The following SIM1 variants were observed in gnomAD, a reference collection of about 807,000 sequenced individuals.
SIM1 encodes the protein SIM bHLH transcription factor 1, also known as single-minded homolog 1.
Under a neutral mutation model 78.2 loss-of-function variants are expected in SIM1, and 18 were observed. That is an observed-to-expected ratio of 0.23 (90% confidence interval 0.16 to 0.34). SIM1 has a LOEUF of 0.34. Among genes scored for constraint, SIM1 ranks in the 10% least tolerant of loss-of-function variants. The pLI is 1.00. For synonymous variants in SIM1, 417 were observed against 385.2 expected, an observed-to-expected ratio of 1.08 and a Z score of -0.97; for missense variants, 939 against 975.1, an observed-to-expected ratio of 0.96 and a Z score of 0.49.
At chr6:100,412,729 AAGAAAGAAAG>A (rs1386882622) in intron 10 of SIM1, among the ~76,000 whole-genome samples, 1 of 141,126 alleles carries the variant, frequency 7.1e-6, no homozygotes, top group Non-Finnish European at 1.5e-5. Flanking sequence ...GAAAGAAAGA[AAGAAAGAAAG>A]AAAGAAAGAA....
intron 8 of SIM1, among the ~76,000 whole-genome samples, chr6:100,447,885 A>G (rs1038992560): frequency 1.7e-4 from 26 of 152,214 alleles, no homozygotes; most frequent in Admixed American, 4.6e-4. Context: ...CCAATAGGAG[A>G]GTAATATACC....
At chr6:100,437,163 A>G (rs1244685320) in intron 9 of SIM1, 6 of 152,172 alleles carry the variant, frequency 3.9e-5, no homozygotes, top group Admixed American at 3.9e-4. Flanking sequence ...CAACTTCTTA[A>G]CTAATATGCC....
At position 100,385,432 on chromosome 6, in the gene SIM1, T is replaced by C. The variant is rs1402797597; in HGVS notation, c.*4929A>G. On this transcript the variant is annotated 3_prime_UTR_variant, in exon 12 of 12. Coordinates refer to ENST00000369208, the MANE Select transcript of SIM1 (RefSeq NM_005068.3). The stretch of plus-strand genomic sequence containing the variant: ...AAAAGACTTACAGTACTTCCAAAAT[T>C]TTTTTCCAGGCCAATTTCATTTCTT... The C allele has an allele frequency of 6.6e-6, 1 of 152,020 alleles. No individual in the cohort carries two copies. The highest frequency in any genetic ancestry group is 1.5e-5 in the Non-Finnish European group (1 of 67,928). 9.4% of individuals were successfully genotyped at this position (152,020 alleles called of 1,614,324 possible). A position where few individuals can be genotyped will look rare whatever the true frequency, so the allele number is the denominator to read the frequency against.
At chr6:100,421,498 T>C (rs1380866295) in intron 9 of SIM1, among the ~76,000 whole-genome samples, 1 of 152,210 alleles carries the variant, frequency 6.6e-6, no homozygotes, top group Non-Finnish European at 1.5e-5. Flanking sequence ...CTTCGTTTAT[T>C]CAATAAATAT....
At chr6:100,434,276 T>C (rs1284375066) in intron 9 of SIM1, among the ~76,000 whole-genome samples, 1 of 152,190 alleles carries the variant, frequency 6.6e-6, no homozygotes, top group Non-Finnish European at 1.5e-5. Context: ...AAGGGTCCAT[T>C]ACCCAAATCC....
intron 10 of SIM1, 61 bp downstream of exon 10, chr6:100,420,729 A>C: frequency 6.7e-7 from 1 of 1,484,704 alleles, no homozygotes; most frequent in Non-Finnish European, 9.4e-7. Context: ...ATACTTTCTC[A>C]ACTTCAAGTT....
Position 100,415,914 on chromosome 6 carries a change from C to G in SIM1, c.1167+4876G>C, listed in dbSNP as rs1771386927. 2.0e-5 allele frequency among the ~76,000 whole-genome samples: 3 copies of G among 152,086 alleles called. No homozygotes were observed. The South Asian group carries it at 6.2e-4, about 32-fold the overall frequency. ...AAACTTTACCCTCATACAATGGGCCCCAGTAAAACAGGGGGCCTTAATAAG... is the reference window on the plus strand; with the variant it reads ...AAACTTTACCCTCATACAATGGGCCGCAGTAAAACAGGGGGCCTTAATAAG... On this transcript the variant is annotated intron_variant, in intron 10 of 11. Transcript: ENST00000369208.
intron 10 of SIM1, among the ~76,000 whole-genome samples, chr6:100,395,775 G>A (rs1355596764): frequency 1.3e-5 from 2 of 152,152 alleles, no homozygotes; most frequent in Non-Finnish European, 1.5e-5. Flanking sequence ...AGTAAAAAGA[G>A]GCAACTCAGC....
chr6:100,448,314 C>A, intron 7 of SIM1, 62 bp from the exon 8 acceptor site: 1 of 1,424,672 alleles, frequency 7.0e-7, no homozygotes, highest in Non-Finnish European at 9.7e-7. Flanking sequence ...CCTCCCCACA[C>A]ACCCTCGACA....
At chr6:100,420,347 T>C (rs1268783811) in intron 10 of SIM1, among the ~76,000 whole-genome samples, 1 of 152,176 alleles carries the variant, frequency 6.6e-6, no homozygotes, top group Non-Finnish European at 1.5e-5. Flanking sequence ...CAGTCTGTGT[T>C]CAAATTGCAT....
intron 10 of SIM1, among the ~76,000 whole-genome samples, chr6:100,415,705 A>G (rs1771380734): frequency 6.6e-6 from 1 of 152,222 alleles, no homozygotes; most frequent in African/African-American, 2.4e-5. Flanking sequence ...TTAACAGAGC[A>G]GGAGCACCAT....
chr6:100,402,528 A>G (rs72937818), intron 10 of SIM1, among the ~76,000 whole-genome samples: 11,481 of 142,344 alleles, frequency 0.081, 514 homozygotes, highest in East Asian at 0.2. Flanking sequence ...TGGTTCTCCT[A>G]GCCTTTCTTG....
intron 9 of SIM1, 128 bp downstream of exon 9, chr6:100,447,140 G>T: frequency 1.0e-6 from 1 of 999,518 alleles, no homozygotes; most frequent in Non-Finnish European, 1.5e-6. Flanking sequence ...GGCGCAGCCA[G>T]CACTCGAGGG....
intron 3 of SIM1, among the ~76,000 whole-genome samples, chr6:100,452,793 C>A (rs372759143): frequency 5.2e-4 from 79 of 152,236 alleles, no homozygotes; most frequent in Non-Finnish European, 9.3e-4. Flanking sequence ...GTGAAGGCCA[C>A]GTCAGTGAGA....
At chr6:100,425,310 T>C (rs1404701819) in intron 9 of SIM1, among the ~76,000 whole-genome samples, 1 of 152,176 alleles carries the variant, frequency 6.6e-6, no homozygotes. Context: ...AACGGACTAA[T>C]ACAAACCTAG....
At chr6:100,437,470 A>G (rs1407918353) in intron 9 of SIM1, 2 of 152,112 alleles carry the variant, frequency 1.3e-5, no homozygotes, top group East Asian at 1.9e-4. Flanking sequence ...AAATATACCC[A>G]TCATACATAC....
intron 2 of SIM1, among the ~76,000 whole-genome samples, chr6:100,459,427 T>G (rs1226186951): frequency 1.3e-5 from 2 of 152,182 alleles, no homozygotes. Context: ...CTTAAAGGCC[T>G]TTAAATGAGA....
In SIM1 at chr6:100,390,727, T is replaced by C. The variant is rs370099354; in HGVS notation, c.1935A>G (p.Glu645=). ...QREGKMLSPH[E]NDYDNSPTAL... ...CGGTGGGACTGTTGTCATAGTCATT[T>C]TCATGGGGGCTCAACATTTTTCCCT... The change falls in exon 12 of 12, where the codon GAA becomes GAG. Residue 645 remains glutamate (E), a synonymous_variant. Coordinates refer to ENST00000369208, the MANE Select transcript of SIM1 (RefSeq NM_005068.3). 3.1e-6 allele frequency: 5 copies of C among 1,614,024 alleles called. No homozygotes were observed. The African/African-American group carries it at 6.7e-5, about 22-fold the overall frequency.
At chr6:100,414,557 T>A (rs1771351233) in intron 10 of SIM1, among the ~76,000 whole-genome samples, 1 of 152,198 alleles carries the variant, frequency 6.6e-6, no homozygotes, top group South Asian at 2.1e-4. Context: ...AATTTATCCA[T>A]GAACAGGAAA....
Sources: allele counts gnomAD v4.1 joint callset (sites outside exome capture counted in the v4.1 genomes callset), GRCh38; gene constraint gnomAD v4.1.1; transcripts MANE v1.5; gene names NCBI Gene and HGNC (gene_info 2026-07-23, HGNC 2026-07-21).